Variants in MAPKAPK2 observed in about 807,000 individuals in gnomAD.
MAPKAPK2 encodes MAPK activated protein kinase 2.
MAPKAPK2 carries 9 observed loss-of-function variants against 48.8 expected under a neutral mutation model. That is an observed-to-expected ratio of 0.18 (90% CI 0.11 to 0.32). The LOEUF (loss-of-function observed/expected upper bound fraction) is 0.32, where lower values mean the gene tolerates loss of function less well. MAPKAPK2 is among the 10% of genes least tolerant of loss of function. The pLI is 1.00. For synonymous variants in MAPKAPK2, 202 were observed against 190.6 expected (o/e 1.06, Z -0.49); for missense variants, 331 against 498.3 (o/e 0.66, Z 3.20).
At position 206,728,179 on chromosome 1, in the gene MAPKAPK2, C is replaced by T. The variant is rs1415111960; in HGVS notation, c.280-531C>T. On this transcript the variant is annotated intron_variant, in intron 1 of 9. Coordinates refer to ENST00000367103, the MANE Select transcript of MAPKAPK2 (RefSeq NM_032960.4). Reference sequence around the variant, plus strand: ...TAATAACTGGATTCATACTGGCATCCGGCTGACTTCCAAGGCCATCTGTTG... The same window carrying T: ...TAATAACTGGATTCATACTGGCATCTGGCTGACTTCCAAGGCCATCTGTTG... Among the ~76,000 whole-genome samples the T allele has an allele frequency of 3.9e-5, 6 of 152,158 alleles. No homozygotes were observed. In the South Asian group the frequency reaches 8.3e-4, roughly 21 times the overall value.
At chr1:206,730,214 C>A in intron 5 of MAPKAPK2, 116 bp downstream of exon 5, 1 of 1,271,536 alleles carries the variant, frequency 7.9e-7, no homozygotes, top group Non-Finnish European at 1.1e-6. Flanking sequence ...ATGGCCCCTT[C>A]TGGTGCTGGT....
rs1420313889 is a variant in MAPKAPK2, at chr1:206,732,229, G to A, written c.1059+310G>A. ...AGAAGAGAAACTGAGGCCCAGAGGC[G>A]GAGGGCAGTCTGCTCAAGGTCACGC... On this transcript the variant is annotated intron_variant, in intron 9 of 9. Coordinates refer to ENST00000367103, the MANE Select transcript of MAPKAPK2 (RefSeq NM_032960.4). This position sits in a 1 kb window ranked among gnomAD's most constrained non-coding sequence, Gnocchi z 4.4. 32 of 1,519,234 alleles carry A rather than the reference G, an allele frequency of 2.1e-5. No individual in the cohort carries two copies. The highest frequency in any genetic ancestry group is 2.6e-5 in the Non-Finnish European group (29 of 1,127,090). 94.1% of individuals were successfully genotyped at this position (1,519,234 alleles called of 1,614,324 possible). A position where few individuals can be genotyped will look rare whatever the true frequency, so the allele number is the denominator to read the frequency against.
chr1:206,709,498 T>C (rs1357463998), intron 1 of MAPKAPK2, among the ~76,000 whole-genome samples: 2 of 152,166 alleles, frequency 1.3e-5, no homozygotes, highest in African/African-American at 4.8e-5. Context: ...GAAGGAAATA[T>C]TAACTTTTTG....
intron 1 of MAPKAPK2, among the ~76,000 whole-genome samples, chr1:206,706,701 A>G (rs1358139546): frequency 1.3e-5 from 2 of 152,200 alleles, no homozygotes; most frequent in African/African-American, 4.8e-5. Flanking sequence ...GCTGCTGGGA[A>G]GACGTTCAGG....
chr1:206,722,915 T>C (rs1397184424), intron 1 of MAPKAPK2, among the ~76,000 whole-genome samples: 1 of 152,226 alleles, frequency 6.6e-6, no homozygotes, highest in African/African-American at 2.4e-5. Context: ...GGCCCTGGCC[T>C]GGAGGCACGG....
Position 206,717,351 on chromosome 1 carries a change from T to G in MAPKAPK2, c.280-11359T>G, listed in dbSNP as rs193274970. Among the ~76,000 whole-genome samples the G allele has an allele frequency of 3.6e-3, 546 of 152,340 alleles. 3 individuals carry two copies. The highest frequency in any genetic ancestry group is 6.3e-3 in the Non-Finnish European group (430 of 68,032). On this transcript the variant is annotated intron_variant, in intron 1 of 9. Transcript: ENST00000367103. ...ATATAAAGTGCACCTGGTACATAAT[T>G]GATGCGGTTGAAATGAAAATTCCTC...
intron 1 of MAPKAPK2, among the ~76,000 whole-genome samples, chr1:206,707,874 T>G (rs1345001178): frequency 2.6e-5 from 4 of 152,244 alleles, no homozygotes; most frequent in Non-Finnish European, 5.9e-5. Context: ...GCATTTTGCC[T>G]ATGTGAAACC....
chr1:206,732,804 C>A lies in MAPKAPK2; in HGVS notation c.*86C>A. On this transcript the variant is annotated 3_prime_UTR_variant, in exon 10 of 10. Coordinates refer to ENST00000367103, the MANE Select transcript of MAPKAPK2 (RefSeq NM_032960.4). The surrounding 1 kb of genome is among the most constrained non-coding windows in gnomAD (Gnocchi z 4.4). ...TTAAACGAAGAGACAGAACTGTCCA[C>A]ATCTGCCTCCTCTCCTCCTCAGCTG... is the stretch of plus-strand genomic sequence containing the variant. 1 of 1,448,136 alleles carries A rather than the reference C, an allele frequency of 6.9e-7. No individual in the cohort carries two copies. Among genetic ancestry groups the A allele is most frequent in the Non-Finnish European group, 9.5e-7 (1 of 1,055,860 alleles). The allele number at this position is 1,448,136 out of a possible 1,614,324, so 89.7% of individuals were successfully genotyped here.
At chr1:206,725,339 A>C (rs181049238) in intron 1 of MAPKAPK2, among the ~76,000 whole-genome samples, 32 of 152,290 alleles carry the variant, frequency 2.1e-4, no homozygotes, top group Admixed American at 1.9e-3. Context: ...GGTGGTCGTC[A>C]CTGGGCTGAA....
chr1:206,710,626 A>G (rs1440905477), intron 1 of MAPKAPK2, among the ~76,000 whole-genome samples: 3 of 152,230 alleles, frequency 2.0e-5, no homozygotes, highest in African/African-American at 4.8e-5. Context: ...ATAAATGAGG[A>G]AAGTGGTTTG....
intron 1 of MAPKAPK2, among the ~76,000 whole-genome samples, chr1:206,698,538 T>C (rs1014805480): frequency 3.9e-5 from 6 of 152,252 alleles, no homozygotes; most frequent in Admixed American, 1.3e-4. Flanking sequence ...ATTTCTATTA[T>C]TCAGATCACT....
At chr1:206,688,438 G>A (rs942547606) in intron 1 of MAPKAPK2, among the ~76,000 whole-genome samples, 2 of 152,108 alleles carry the variant, frequency 1.3e-5, no homozygotes, top group Non-Finnish European at 2.9e-5. Context: ...GTCACCTCAG[G>A]CCCTGACTGA....
At chr1:206,723,683 G>T (rs1381923691) in intron 1 of MAPKAPK2, among the ~76,000 whole-genome samples, 1 of 152,172 alleles carries the variant, frequency 6.6e-6, no homozygotes, top group Non-Finnish European at 1.5e-5. Context: ...GTCTTTCCAC[G>T]TGGCTCCACA....
At chr1:206,729,947 T>C in intron 4 of MAPKAPK2, 25 bp from the exon 5 acceptor site, 1 of 1,614,150 alleles carries the variant, frequency 6.2e-7, no homozygotes, top group Non-Finnish European at 8.5e-7. Context: ...GCAGGGTTGC[T>C]ATTTTTCTGT....
intron 1 of MAPKAPK2, among the ~76,000 whole-genome samples, chr1:206,726,465 G>A (rs1354572354): frequency 6.6e-6 from 1 of 152,252 alleles, no homozygotes; most frequent in Non-Finnish European, 1.5e-5. Context: ...CCACAAGGTG[G>A]CAGTGTGACC....
At position 206,732,848 on chromosome 1, in the gene MAPKAPK2, A is replaced by G. The variant is rs1046476650; in HGVS notation, c.*130A>G. On this transcript the variant is annotated 3_prime_UTR_variant, in exon 10 of 10. Coordinates refer to ENST00000367103, the MANE Select transcript of MAPKAPK2 (RefSeq NM_032960.4). The surrounding 1 kb of genome is among the most constrained non-coding windows in gnomAD (Gnocchi z 4.4). Reference sequence around the variant, plus strand: ...TCAGCTGCATGGAGCCTGGAACTGCATCAGTGACTGAATTCTGCCTTGGTT... The same window carrying G: ...TCAGCTGCATGGAGCCTGGAACTGCGTCAGTGACTGAATTCTGCCTTGGTT... The G allele has an allele frequency of 1.8e-6, 2 of 1,097,180 alleles. No individual in the cohort carries two copies. Among genetic ancestry groups the G allele is most frequent in the Admixed American group, 2.7e-5 (1 of 37,286 alleles). The allele number at this position is 1,097,180 out of a possible 1,614,324, so 68.0% of individuals were successfully genotyped here.
At chr1:206,708,414 A>G (rs1673032046) in intron 1 of MAPKAPK2, among the ~76,000 whole-genome samples, 2 of 152,126 alleles carry the variant, frequency 1.3e-5, no homozygotes, top group Non-Finnish European at 2.9e-5. Context: ...ATACCAAACC[A>G]CCTAGATTCA....
rs1553432763 is a variant in MAPKAPK2 at position 206,731,902 on chromosome 1, C to T, written c.1042C>T (p.Arg348Trp). 2 of 1,614,046 alleles carry T rather than the reference C, an allele frequency of 1.2e-6. No individual in the cohort carries two copies. Among genetic ancestry groups the T allele is most frequent in the South Asian group, 1.1e-5 (1 of 91,076 alleles). The change falls in exon 9 of 10, where the codon CGG becomes TGG. Residue 348 changes from arginine (R) to tryptophan (W), a missense_variant. Physicochemically the swap from Arg to Trp is moderately radical, Grantham distance 101. Around this residue, in one of 4 missense-constraint regions of MAPKAPK2, gnomAD observed 124 missense variants for 194.6 expected, o/e 0.64. Coordinates refer to ENST00000367103, the MANE Select transcript of MAPKAPK2 (RefSeq NM_032960.4). The surrounding 1 kb of genome is among the most constrained non-coding windows in gnomAD (Gnocchi z 5.9). ...TSRVLKEDKE[R>W]WEDVKEEMTS... ...CCGGGTCCTGAAGGAGGACAAGGAG[C>T]GGTGGGAGGATGTCAAGGTGAGGGG...
intron 1 of MAPKAPK2, among the ~76,000 whole-genome samples, chr1:206,712,622 T>C (rs1673191475): frequency 6.6e-6 from 1 of 152,166 alleles, no homozygotes; most frequent in Non-Finnish European, 1.5e-5. Context: ...TTTGATAAGC[T>C]TACTGCCTAC....
Sources: gnomAD v4.1 joint callset for allele counts (sites outside exome capture counted in the v4.1 genomes callset) on GRCh38, gnomAD v4.1.1 for gene constraint, gnomAD v4.1.1 regional missense constraint, Gnocchi (gnomAD v3.1) non-coding constraint, MANE v1.5 for transcripts, NCBI Gene and HGNC (gene_info 2026-07-23, HGNC 2026-07-21) for gene names.